ASB9: variants seen among roughly 807,000 people sequenced by gnomAD.
ASB9 encodes ankyrin repeat and SOCS box containing 9, also known as ankyrin repeat and SOCS box protein 9.
In ASB9, 5 loss-of-function variants were observed where a neutral mutation model predicts 16.6. That is an observed-to-expected ratio of 0.30 (90% CI 0.16 to 0.63). The LOEUF (loss-of-function observed/expected upper bound fraction) is 0.63, where lower values mean the gene tolerates loss of function less well. Ranked by LOEUF, ASB9 falls within the 30% of genes least tolerant of loss-of-function variation. The pLI, the probability that ASB9 is intolerant of heterozygous loss-of-function variation, is 0.82. For missense variants in ASB9, 216 were observed against 229.4 expected, an observed-to-expected ratio of 0.94 and a Z score of 0.38; for synonymous variants, 100 against 86.4, an observed-to-expected ratio of 1.16 and a Z score of -0.87.
chrX:15,264,522 C>G (rs1926232721), intron 1 of ASB9, among the ~76,000 whole-genome samples: 1 of 111,391 alleles, frequency 9.0e-6, no homozygotes, highest in African/African-American at 3.3e-5. Flanking sequence ...TTTTTATAGC[C>G]TTTCCTCCCT....
chrX:15,246,223 G>T (rs1880041958), intron 6 of ASB9, among the ~76,000 whole-genome samples: 1 of 111,730 alleles, frequency 9.0e-6, no homozygotes, highest in Non-Finnish European at 1.9e-5. Flanking sequence ...AGGAAACTCA[G>T]TGTATTAATA....
At chrX:15,269,680 C>A (rs1926829369) in intron 1 of ASB9, 101 bp downstream of exon 1, 2 of 598,868 alleles carry the variant, frequency 3.3e-6, no homozygotes, top group Non-Finnish European at 5.1e-6. Flanking sequence ...GTAACAGCCC[C>A]ATGGACACCT....
chrX:15,246,952 G>A lies in ASB9; in HGVS notation c.760+1792C>T, dbSNP rs958446721. 8.1e-5 allele frequency among the ~76,000 whole-genome samples: 9 copies of A among 111,550 alleles called. 1 individual carries two copies. The highest frequency in any genetic ancestry group is 2.6e-4 in the African/African-American group (8 of 30,661). On this transcript the variant is annotated intron_variant, in intron 6 of 6. Coordinates refer to ENST00000380488, the MANE Select transcript of ASB9 (RefSeq NM_001031739.3). ...AATCTTTTCCCTTTTCTCAGAAAAC[G>A]GGAAAATCTTACCTTTCCTAACACC...
chrX:15,267,417 A>ATATAAAT (rs1555934601), intron 1 of ASB9, among the ~76,000 whole-genome samples: 1 of 78,029 alleles, frequency 1.3e-5, no homozygotes, highest in Non-Finnish European at 2.3e-5. Flanking sequence ...CTAAAAAAAA[A>ATATAAAT]ATATATATAT....
At chrX:15,266,804 C>T (rs751536071) in intron 1 of ASB9, among the ~76,000 whole-genome samples, 57 of 109,312 alleles carry the variant, frequency 5.2e-4, no homozygotes, top group Middle Eastern at 4.7e-3. Flanking sequence ...GGCGTGGTGG[C>T]GGGCGCCTGT....
At chrX:15,267,955 A>C (rs1309412449) in intron 1 of ASB9, among the ~76,000 whole-genome samples, 2 of 110,444 alleles carry the variant, frequency 1.8e-5, no homozygotes, top group Admixed American at 9.6e-5. Flanking sequence ...TGAGCAGGCT[A>C]GTCTACTCAG....
upstream of ASB9, chrX:15,270,274 AAGGGAGC>A (rs1569164035): frequency 8.2e-6 from 1 of 121,783 alleles, no homozygotes; most frequent in Non-Finnish European, 1.7e-5. Context: ...TTTGAGAGTG[AAGGGAGC>A]AGGGTGGGGG....
Position 15,261,614 on chromosome X carries a change from G to A in ASB9, c.95-2669C>T, listed in dbSNP as rs372429334. ...CTATTTGGGGCAAATAAAGAAGTAC[G>A]TACTTCTCCAAGAGAATAACAAGGC... On this transcript the variant is annotated intron_variant, in intron 1 of 6. Transcript: ENST00000380488. 6.3e-4 allele frequency among the ~76,000 whole-genome samples: 70 copies of A among 111,787 alleles called. 1 individual carries two copies. The highest frequency in any genetic ancestry group is 2.2e-3 in the African/African-American group (68 of 30,778).
chrX:15,251,841 T>C lies in ASB9; in HGVS notation c.433+413A>G, dbSNP rs1444589660. ...AGGCCCTGAAATAGAAGAATATAAT[T>C]TGTTTTATGAAATAACTTGATTTCT... On this transcript the variant is annotated intron_variant, in intron 4 of 6. Transcript: ENST00000380488. Among the ~76,000 whole-genome samples, 5 of 112,732 alleles carry C rather than the reference T, an allele frequency of 4.4e-5. No homozygotes were observed. In the East Asian group the frequency reaches 1.4e-3, roughly 31 times the overall value.
rs1370148775 is a variant in ASB9 at position 15,269,841 on chromosome X, T to C, written c.34A>G (p.Lys12Glu). The C allele has an allele frequency of 2.5e-6, 3 of 1,205,856 alleles. No individual in the cohort carries two copies. The highest frequency in any genetic ancestry group is 1.8e-5 in the African/African-American group (1 of 57,061). The change falls in exon 1 of 7, where the codon AAG becomes GAG. Residue 12 changes from lysine (K) to glutamate (E), a missense_variant. By Grantham distance (56) the Lys-to-Glu change is moderately conservative. Transcript: ENST00000380488. The stretch of plus-strand genomic sequence containing the variant: ...GGAAAGTCCCTTGGCCCCGCGGGCT[T>C]GCTCCCATCCATGCCCCCTTGTTTG... ...DGKQGGMDGSKPAGPRDFPGI... is the reference protein window; with the variant it reads ...DGKQGGMDGSEPAGPRDFPGI...
chrX:15,250,923 G>A (rs1171339898), intron 4 of ASB9, among the ~76,000 whole-genome samples: 2 of 111,155 alleles, frequency 1.8e-5, no homozygotes, highest in African/African-American at 3.3e-5. Flanking sequence ...GGGTTTCACC[G>A]TGTTAGCCAG....
At chrX:15,248,553 CA>C in intron 6 of ASB9, 190 bp downstream of exon 6, 1 of 689,665 alleles carries the variant, frequency 1.4e-6, no homozygotes, top group Non-Finnish European at 2.0e-6. Flanking sequence ...AATAGCAGGA[CA>C]GTTATTTACT....
chrX:15,253,059 C>G (rs1039149773), intron 3 of ASB9, among the ~76,000 whole-genome samples: 4 of 108,452 alleles, frequency 3.7e-5, no homozygotes, highest in African/African-American at 1.3e-4. Context: ...CATGGTGAAA[C>G]CCGGTCTCTA....
At position 15,264,073 on chromosome X, in the gene ASB9, A is replaced by G. The variant is rs762077848; in HGVS notation, c.95-5128T>C. ...GAGTCCTAGAGGCTAGCAGTTGGCTAGAAGTCTGAAATCAAGGTGTGGACA... is the reference window on the plus strand; with the variant it reads ...GAGTCCTAGAGGCTAGCAGTTGGCTGGAAGTCTGAAATCAAGGTGTGGACA... On this transcript the variant is annotated intron_variant, in intron 1 of 6. Transcript: ENST00000380488. 1.2e-4 allele frequency among the ~76,000 whole-genome samples: 14 copies of G among 112,045 alleles called. No individual in the cohort carries two copies. The East Asian group carries it at 3.9e-3, about 31-fold the overall frequency.
chrX:15,269,390 A>G (rs4830528), intron 1 of ASB9, among the ~76,000 whole-genome samples: 1,898 of 111,935 alleles, frequency 0.017, 88 homozygotes, highest in East Asian at 0.15. Context: ...GAACATCTTT[A>G]TAAACCCTGC....
intron 6 of ASB9, among the ~76,000 whole-genome samples, chrX:15,246,167 A>T (rs1924651443): frequency 1.8e-5 from 2 of 111,874 alleles, no homozygotes; most frequent in Admixed American, 9.5e-5. Context: ...AAATAACAAG[A>T]TCTCAGAGCA....
At chrX:15,256,790 A>AAAAG (rs1925601821) in intron 2 of ASB9, among the ~76,000 whole-genome samples, 1 of 107,113 alleles carries the variant, frequency 9.3e-6, no homozygotes. Context: ...AAAAAAAAAA[A>AAAAG]AAAAGAAAGA....
intron 3 of ASB9, among the ~76,000 whole-genome samples, chrX:15,252,633 C>T (rs1333181288): frequency 3.6e-5 from 4 of 111,935 alleles, no homozygotes; most frequent in Non-Finnish European, 7.5e-5. Flanking sequence ...CATGCCCTCC[C>T]CAGGAACATG....
chrX:15,268,926 G>A (rs1458189203), intron 1 of ASB9, among the ~76,000 whole-genome samples: 1 of 111,102 alleles, frequency 9.0e-6, no homozygotes, highest in Admixed American at 9.6e-5. Context: ...AGCCCCCAAG[G>A]ATCTCAACAG....
Sources: allele counts gnomAD v4.1 joint callset (sites outside exome capture counted in the v4.1 genomes callset), GRCh38; gene constraint gnomAD v4.1.1; transcripts MANE v1.5; gene names NCBI Gene and HGNC (gene_info 2026-07-23, HGNC 2026-07-21).